SMCO4: variants seen among roughly 807,000 people sequenced by gnomAD.
The protein encoded by SMCO4 is single-pass membrane and coiled-coil domain-containing protein 4.
A neutral mutation model predicts 3.6 loss-of-function variants in SMCO4; 4 were observed. The observed-to-expected ratio is 1.11, with a 90% CI of 0.54 to 2.53. The LOEUF (loss-of-function observed/expected upper bound fraction) is 2.53. Ranked by LOEUF, SMCO4 falls within the 30% of genes most tolerant of loss-of-function variation. The pLI, the probability that SMCO4 is intolerant of heterozygous loss-of-function variation, is 0.02. For synonymous variants in SMCO4, 36 were observed against 35.3 expected (o/e 1.02, Z -0.07); for missense variants, 70 against 80.8 (o/e 0.87, Z 0.51).
At chr11:93,506,493 C>T (rs1207140089) in intron 1 of SMCO4, among the ~76,000 whole-genome samples, 3 of 149,854 alleles carry the variant, frequency 2.0e-5, no homozygotes, top group Non-Finnish European at 4.4e-5. Context: ...GGCTGGAGTA[C>T]AGTGGCACGA....
At chr11:93,513,458 T>C (rs1195108543) in intron 1 of SMCO4, among the ~76,000 whole-genome samples, 4 of 152,198 alleles carry the variant, frequency 2.6e-5, no homozygotes, top group East Asian at 3.9e-4. Flanking sequence ...TGAGGTAACA[T>C]AGGTCATGAC....
upstream of SMCO4, among the ~76,000 whole-genome samples, chr11:93,546,417 C>T (rs554484040): frequency 2.6e-5 from 4 of 152,284 alleles, no homozygotes; most frequent in African/African-American, 9.6e-5. Flanking sequence ...ACATCAACAG[C>T]AGGTATCATA....
In SMCO4 at chr11:93,523,917, A is replaced by G. The variant is rs565998564; in HGVS notation, c.-154+19359T>C. ...TATATCAGCACCCCATTCCAAAACC[A>G]AAAGAATGAGAAAACCTTGGAAAGA... On this transcript the variant is annotated intron_variant, in intron 1 of 2. Coordinates refer to ENST00000298966, the MANE Select transcript of SMCO4 (RefSeq NM_020179.3). Among the ~76,000 whole-genome samples, 13 of 152,324 alleles carry G rather than the reference A, an allele frequency of 8.5e-5. No individual in the cohort carries two copies. In the South Asian group the frequency reaches 2.7e-3, roughly 32 times the overall value.
chr11:93,512,103 G>C (rs1948963051), intron 1 of SMCO4, among the ~76,000 whole-genome samples: 1 of 152,128 alleles, frequency 6.6e-6, no homozygotes, highest in African/African-American at 2.4e-5. Flanking sequence ...TTTAACTCTT[G>C]TTTACATCAA....
chr11:93,518,193 CAT>C (rs1949026057), intron 1 of SMCO4, among the ~76,000 whole-genome samples: 1 of 152,178 alleles, frequency 6.6e-6, no homozygotes, highest in African/African-American at 2.4e-5. Flanking sequence ...TAAATGGAAT[CAT>C]ATAATATGTG....
Position 93,479,138 on chromosome 11 carries a change from C to T in SMCO4, c.52G>A (p.Glu18Lys), listed in dbSNP as rs1318578949. ...GCCTCCTGCATGGCTTGCTTCCGCT[C>T]CTTCTTGTCCTTGGAGGTCTCCTTC... ...PKKETSKDKKERKQAMQEARQ... is the reference protein window; with the variant it reads ...PKKETSKDKKKRKQAMQEARQ... Residue 18 changes from glutamate (E) to lysine (K), a missense_variant, in exon 3 of 3, where the codon GAG (glutamate) becomes AAG (lysine). Coordinates refer to ENST00000298966, the MANE Select transcript of SMCO4 (RefSeq NM_020179.3). The T allele has an allele frequency of 1.2e-6, 2 of 1,614,096 alleles. No individual in the cohort carries two copies. Among genetic ancestry groups the T allele is most frequent in the Non-Finnish European group, 1.7e-6 (2 of 1,180,038 alleles).
chr11:93,524,844 G>A (rs555476002), intron 1 of SMCO4, among the ~76,000 whole-genome samples: 1 of 152,150 alleles, frequency 6.6e-6, no homozygotes, highest in South Asian at 2.1e-4. Context: ...CAAGGTCTTG[G>A]GCAAGGACCC....
chr11:93,530,714 G>A (rs536081929), intron 1 of SMCO4, among the ~76,000 whole-genome samples: 2 of 152,046 alleles, frequency 1.3e-5, no homozygotes, highest in African/African-American at 2.4e-5. Context: ...TACACTTCAG[G>A]GCCTCTGCCT....
chr11:93,534,373 T>TAG lies in SMCO4; in HGVS notation c.-154+8902_-154+8903insCT, dbSNP rs559386704. On this transcript the variant is annotated intron_variant, in intron 1 of 2. Coordinates refer to ENST00000298966, the MANE Select transcript of SMCO4 (RefSeq NM_020179.3). ...ATACACATACATATATATATATATA[T>TAG]ATAGAGAGAGAGAGAGAGAGAGATA... 3.6e-3 allele frequency among the ~76,000 whole-genome samples: 479 copies of TAG among 134,166 alleles called. 4 individuals carry two copies. The highest frequency in any genetic ancestry group is 4.9e-3 in the South Asian group (21 of 4,248). 88.0% of individuals were successfully genotyped at this position (134,166 alleles called of 152,430 possible). A position where few individuals can be genotyped will look rare whatever the true frequency, so the allele number is the denominator to read the frequency against.
intron 1 of SMCO4, among the ~76,000 whole-genome samples, chr11:93,516,958 T>G (rs928351231): frequency 6.6e-6 from 1 of 152,098 alleles, no homozygotes; most frequent in Admixed American, 6.5e-5. Context: ...CCCTCTGCCT[T>G]CCACCTTCCC....
intron 2 of SMCO4, among the ~76,000 whole-genome samples, chr11:93,489,553 G>GGAGCCCCCTCTCTC (rs1948690461): frequency 6.6e-6 from 1 of 152,162 alleles, no homozygotes; most frequent in Non-Finnish European, 1.5e-5. Flanking sequence ...AGTCAGGATG[G>GGAGCCCCCTCTCTC]CACCAACCGC....
intron 2 of SMCO4, chr11:93,481,587 G>T: frequency 1.1e-6 from 1 of 919,970 alleles, no homozygotes; most frequent in Non-Finnish European, 1.3e-6. Context: ...TCCCCATCAC[G>T]GAAGGGAGGA....
chr11:93,507,918 G>GA (rs1203001311), intron 1 of SMCO4, among the ~76,000 whole-genome samples: 2 of 152,104 alleles, frequency 1.3e-5, no homozygotes, highest in Non-Finnish European at 2.9e-5. Context: ...AGAGATTTGG[G>GA]AAAAAGTAAA....
chr11:93,536,678 G>A (rs909818445), intron 1 of SMCO4, among the ~76,000 whole-genome samples: 14 of 152,168 alleles, frequency 9.2e-5, no homozygotes, highest in African/African-American at 2.9e-4. Context: ...ACCTGGGGAG[G>A]GGTGCTGGGT....
intron 1 of SMCO4, chr11:93,535,957 G>A: frequency 6.9e-7 from 1 of 1,444,078 alleles, no homozygotes; most frequent in Non-Finnish European, 9.4e-7. Context: ...AAGAATAGTT[G>A]CAGTGTTTAT....
chr11:93,515,908 T>A (rs1164279038), intron 1 of SMCO4, among the ~76,000 whole-genome samples: 2 of 152,124 alleles, frequency 1.3e-5, no homozygotes, highest in African/African-American at 2.4e-5. Context: ...TCCTCTCCCC[T>A]CTCCAGTCTG....
chr11:93,495,277 C>G (rs1948760998), intron 2 of SMCO4, among the ~76,000 whole-genome samples: 1 of 151,952 alleles, frequency 6.6e-6, no homozygotes, highest in Admixed American at 6.6e-5. Context: ...GCTGGTATTC[C>G]CATTACAAAC....
At chr11:93,514,921 G>C (rs1295577230) in intron 1 of SMCO4, among the ~76,000 whole-genome samples, 1 of 152,162 alleles carries the variant, frequency 6.6e-6, no homozygotes, top group Non-Finnish European at 1.5e-5. Flanking sequence ...GAGGCTCAAA[G>C]AGACAACATA....
At chr11:93,511,551 C>G (rs1948957195) in intron 1 of SMCO4, among the ~76,000 whole-genome samples, 1 of 152,166 alleles carries the variant, frequency 6.6e-6, no homozygotes, top group African/African-American at 2.4e-5. Flanking sequence ...AAATACCTAA[C>G]TTGAACATCC....
Sources: allele counts gnomAD v4.1 joint callset (sites outside exome capture counted in the v4.1 genomes callset), GRCh38; gene constraint gnomAD v4.1.1; transcripts MANE v1.5; gene names NCBI Gene and HGNC (gene_info 2026-07-23, HGNC 2026-07-21).